H3-7: variants seen among roughly 807,000 people sequenced by gnomAD.
H3-7 encodes the protein H3.7 histone (putative), also known as histone H3-7.
At chr1:143,904,805 T>G in the H3-7 span, among the ~76,000 whole-genome samples, 5 of 146,164 alleles carry the variant, frequency 3.4e-5, no homozygotes, top group African/African-American at 1.2e-4. Context: ...TCCTTAATGG[T>G]CACTGTAACA....
At chr1:143,904,210 C>T in the H3-7 span, 7,799 of 1,531,340 alleles carry the variant, frequency 5.1e-3, 437 homozygotes, top group African/African-American at 0.094. Context: ...TCTATTGCGT[C>T]CCTTGCACAC....
the H3-7 span, chr1:143,904,400 G>C: frequency 3.2e-6 from 5 of 1,582,790 alleles, no homozygotes; most frequent in East Asian, 2.3e-5. Context: ...CGAAGATGTC[G>C]TTGACGAAGG....
the H3-7 span, chr1:143,904,525 C>G: frequency 3.1e-6 from 5 of 1,605,914 alleles, no homozygotes; most frequent in Admixed American, 3.4e-5. Flanking sequence ...CGCTTCTCGC[C>G]GTCCTTCTTC....
the H3-7 span, chr1:143,904,158 C>G: frequency 8.2e-7 from 1 of 1,216,346 alleles, no homozygotes; most frequent in Non-Finnish European, 1.2e-6. Context: ...TTCTCGATTA[C>G]TGAAGTGGCT....
the H3-7 span, chr1:143,904,722 T>C: frequency 5.4e-6 from 6 of 1,115,102 alleles, no homozygotes; most frequent in South Asian, 1.5e-5. Context: ...AGTGCTGCGC[T>C]TTAATTGGTT....
chr1:143,904,473 T>C, the H3-7 span: 2 of 1,597,588 alleles, frequency 1.3e-6, no homozygotes. Flanking sequence ...CTTCAGCACC[T>C]CCTACACGTA....
chr1:143,903,170 C>T, the H3-7 span, among the ~76,000 whole-genome samples: 2 of 136,398 alleles, frequency 1.5e-5, no homozygotes, highest in East Asian at 2.2e-4. Context: ...CCGGCCTGGG[C>T]GACAGAGCGA....
At chr1:143,904,517 C>T in the H3-7 span, 13 of 1,605,718 alleles carry the variant, frequency 8.1e-6, no homozygotes, top group Admixed American at 1.3e-4. Flanking sequence ...TGCGCTTGCG[C>T]TTCTCGCCGT....
chr1:143,905,536 C>A, the H3-7 span: 2 of 1,529,828 alleles, frequency 1.3e-6, no homozygotes, highest in Admixed American at 1.7e-5. Flanking sequence ...GCCTTTAGAT[C>A]GACCACTTAA....
the H3-7 span, among the ~76,000 whole-genome samples, chr1:143,903,123 C>T: frequency 2.2e-5 from 3 of 137,700 alleles, no homozygotes; most frequent in Non-Finnish European, 3.2e-5. Flanking sequence ...ACCCGGGAGG[C>T]GGAGCTTGCA....
chr1:143,904,631 T>A, the H3-7 span: 1 of 1,579,356 alleles, frequency 6.3e-7, no homozygotes, highest in Admixed American at 1.7e-5. Context: ...GAACAGAGAC[T>A]TAAAGAAGTA....
the H3-7 span, chr1:143,905,633 C>T: frequency 6.3e-7 from 1 of 1,582,718 alleles, no homozygotes. Context: ...GCATGGATGG[C>T]GCACAGGTTC....
chr1:143,905,339 C>T, the H3-7 span: 18 of 527,654 alleles, frequency 3.4e-5, 3 homozygotes, highest in African/African-American at 2.4e-4. Flanking sequence ...AAGGCTCGGC[C>T]GGAACCACAA....
the H3-7 span, among the ~76,000 whole-genome samples, chr1:143,903,908 C>CCA: frequency 6.9e-6 from 1 of 145,046 alleles, no homozygotes; most frequent in African/African-American, 2.5e-5. Context: ...GGGTGTAGAA[C>CCA]CACCCCCCGC....
At chr1:143,903,191 CA>C in the H3-7 span, among the ~76,000 whole-genome samples, 130 of 60,390 alleles carry the variant, frequency 2.2e-3, 3 homozygotes, top group Middle Eastern at 0.011. Context: ...GACTCCGTCT[CA>C]AAAAAAAAAA....
chr1:143,905,824 G>A, the H3-7 span: 2 of 1,582,364 alleles, frequency 1.3e-6, no homozygotes, highest in Non-Finnish European at 1.7e-6. Flanking sequence ...CTCCCGCAGA[G>A]CCACGGTGCC....
the H3-7 span, chr1:143,905,664 C>T: frequency 5.1e-6 from 8 of 1,582,976 alleles, 1 homozygote; most frequent in Non-Finnish European, 6.9e-6. Flanking sequence ...ACAGCCCCAC[C>T]AGGTAGGCCT....
At chr1:143,905,365 G>A in the H3-7 span, 3 of 560,210 alleles carry the variant, frequency 5.4e-6, no homozygotes, top group Non-Finnish European at 9.6e-6. Flanking sequence ...ATGCCTCTGC[G>A]GCTTTCTCTA....
chr1:143,904,632 TAAA>T, the H3-7 span: 1 of 1,578,746 alleles, frequency 6.3e-7, no homozygotes. Flanking sequence ...AACAGAGACT[TAAA>T]GAAGTAATCC....
Sources: allele counts gnomAD v4.1 joint callset (sites outside exome capture counted in the v4.1 genomes callset), GRCh38; gene constraint gnomAD v4.1.1; transcripts MANE v1.5; gene names NCBI Gene and HGNC (gene_info 2026-07-23, HGNC 2026-07-21).